UIMC1: variants seen among roughly 807,000 people sequenced by gnomAD.
The protein encoded by UIMC1 is BRCA1-A complex subunit RAP80.
Under a neutral mutation model 84.9 loss-of-function variants are expected in UIMC1, and 42 were observed. The ratio of observed to expected loss-of-function variants is 0.49; its 90% CI spans 0.39 to 0.64. UIMC1 has a LOEUF of 0.64. Ranked by LOEUF, UIMC1 falls within the 30% of genes least tolerant of loss-of-function variation. The pLI, the probability that UIMC1 is intolerant of heterozygous loss-of-function variation, is 0.00. For synonymous variants in UIMC1, 281 were observed against 293.0 expected, an observed-to-expected ratio of 0.96 and a Z score of 0.42; for missense variants, 825 against 847.6, an observed-to-expected ratio of 0.97 and a Z score of 0.33.
chr5:176,929,039 G>A (rs1038601786), intron 10 of UIMC1, among the ~76,000 whole-genome samples: 1 of 151,892 alleles, frequency 6.6e-6, no homozygotes, highest in African/African-American at 2.4e-5. Flanking sequence ...AGATTACGAG[G>A]TCAGGAGTTT....
intron 8 of UIMC1, among the ~76,000 whole-genome samples, chr5:176,955,747 C>G (rs1163311605): frequency 6.6e-6 from 1 of 152,020 alleles, no homozygotes; most frequent in Admixed American, 6.6e-5. Flanking sequence ...AACTAAATTA[C>G]CCCTAAGGAG....
At chr5:176,946,836 AAAAAG>A (rs1306072507) in intron 9 of UIMC1, among the ~76,000 whole-genome samples, 1 of 152,212 alleles carries the variant, frequency 6.6e-6, no homozygotes, top group Non-Finnish European at 1.5e-5. Flanking sequence ...CCCGGCCTCA[AAAAAG>A]AAAAGACAAA....
rs1771201052 is a variant in UIMC1, at chr5:176,982,459, C to T, written c.147+10G>A. On this transcript the variant is annotated intron_variant, in intron 2 of 14. Coordinates refer to ENST00000511320, the MANE Select transcript of UIMC1 (RefSeq NM_001199298.2). ...GCTACAGCTCTACTTTTCAGCTCTACTTCACTAACCTCTCCATCACTATCG... is the reference window on the plus strand; with the variant it reads ...GCTACAGCTCTACTTTTCAGCTCTATTTCACTAACCTCTCCATCACTATCG... 2 of 1,606,792 alleles carry T rather than the reference C, an allele frequency of 1.2e-6. No homozygotes were observed. Among genetic ancestry groups the T allele is most frequent in the Admixed American group, 3.5e-5 (2 of 57,552 alleles).
At chr5:177,007,569 A>C (rs1345868093), upstream of UIMC1, among the ~76,000 whole-genome samples, 1 of 152,210 alleles carries the variant, frequency 6.6e-6, no homozygotes, top group Admixed American at 6.5e-5. Flanking sequence ...GGTCACAACT[A>C]CTTAAGTTAT....
rs146511176 is a variant in UIMC1 at position 176,908,394 on chromosome 5, A to C, written c.1848+129T>G. The C allele has an allele frequency of 2.5e-3, 2,340 of 949,842 alleles. 39 individuals are homozygous for C. The African/African-American group carries it at 0.035, about 14-fold the overall frequency. 58.8% of individuals were successfully genotyped at this position (949,842 alleles called of 1,614,324 possible). ...AGGAAAAATAATTTTAAAAAGCACA[A>C]ATCTTGTTTCAAGATAAATAGAGGG... On this transcript the variant is annotated intron_variant, in intron 12 of 14. Coordinates refer to ENST00000511320, the MANE Select transcript of UIMC1 (RefSeq NM_001199298.2).
upstream of UIMC1, among the ~76,000 whole-genome samples, chr5:177,008,866 G>C (rs1351870946): frequency 6.6e-6 from 1 of 152,082 alleles, no homozygotes; most frequent in African/African-American, 2.4e-5. Context: ...GCTCACTCAG[G>C]CCAAATGCTA....
At chr5:176,945,905 G>C (rs1316695333) in intron 9 of UIMC1, among the ~76,000 whole-genome samples, 1 of 152,168 alleles carries the variant, frequency 6.6e-6, no homozygotes, top group African/African-American at 2.4e-5. Context: ...TTAAGGCTCT[G>C]TTAGAAATTA....
intron 10 of UIMC1, among the ~76,000 whole-genome samples, chr5:176,938,921 T>C (rs1262221366): frequency 6.6e-6 from 1 of 151,984 alleles, no homozygotes; most frequent in African/African-American, 2.4e-5. Context: ...TAAAACTTCT[T>C]TAGTAAGCTT....
chr5:176,955,904 C>T, intron 8 of UIMC1, 55 bp downstream of exon 8: 2 of 1,540,930 alleles, frequency 1.3e-6, no homozygotes, highest in Non-Finnish European at 1.8e-6. Flanking sequence ...AATTAATAGG[C>T]ATGAAAAGGT....
At chr5:176,905,906 T>C in intron 14 of UIMC1, 105 bp downstream of exon 14, 2 of 1,257,210 alleles carry the variant, frequency 1.6e-6, no homozygotes, top group Non-Finnish European at 2.3e-6. Context: ...CCACAGTGAT[T>C]TCTACTGCAA....
chr5:176,952,285 A>G (rs1765985195), intron 8 of UIMC1, among the ~76,000 whole-genome samples: 1 of 152,252 alleles, frequency 6.6e-6, no homozygotes, highest in Non-Finnish European at 1.5e-5. Context: ...GAAATAGAAT[A>G]TACATTCTAG....
chr5:176,942,196 T>C (rs1448330909), intron 10 of UIMC1, among the ~76,000 whole-genome samples: 1 of 152,150 alleles, frequency 6.6e-6, no homozygotes, highest in African/African-American at 2.4e-5. Context: ...AGCAGAGATA[T>C]GATATGTAGG....
chr5:176,954,143 T>C (rs1207447912), intron 8 of UIMC1, among the ~76,000 whole-genome samples: 1 of 152,236 alleles, frequency 6.6e-6, no homozygotes, highest in Non-Finnish European at 1.5e-5. Flanking sequence ...AACCTCAGTA[T>C]GAAGGGCCTG....
intron 1 of UIMC1, among the ~76,000 whole-genome samples, chr5:176,985,124 T>A (rs972658984): frequency 3.3e-5 from 5 of 152,102 alleles, no homozygotes; most frequent in African/African-American, 1.2e-4. Context: ...GAATTTTTTT[T>A]AGAAAAATAT....
chr5:177,005,371 G>A (rs1289586129), intron 1 of UIMC1, among the ~76,000 whole-genome samples: 7 of 152,036 alleles, frequency 4.6e-5, no homozygotes, highest in Admixed American at 6.6e-5. Flanking sequence ...CACCAGGCCC[G>A]TCGACCAAGC....
chr5:176,914,903 C>A (rs564238282), intron 10 of UIMC1, among the ~76,000 whole-genome samples: 1 of 152,340 alleles, frequency 6.6e-6, no homozygotes, highest in African/African-American at 2.4e-5. Context: ...ACTTCTCTAT[C>A]TTATGTACGA....
intron 1 of UIMC1, among the ~76,000 whole-genome samples, chr5:177,020,682 C>T (rs1275722001): frequency 2.6e-5 from 4 of 152,168 alleles, no homozygotes; most frequent in African/African-American, 7.2e-5. Context: ...CCACCTGCCT[C>T]GGCCTCCCAA....
intron 1 of UIMC1, among the ~76,000 whole-genome samples, chr5:176,991,031 A>T (rs951561261): frequency 1.2e-4 from 18 of 151,586 alleles, no homozygotes; most frequent in African/African-American, 4.1e-4. Context: ...TTTTTGAGAC[A>T]GAGTCTCGCT....
chr5:176,907,544 G>A (rs1257977174), intron 12 of UIMC1, among the ~76,000 whole-genome samples: 1 of 152,216 alleles, frequency 6.6e-6, no homozygotes, highest in Non-Finnish European at 1.5e-5. Context: ...CTTCTGGCAT[G>A]ACAGACAATG....
Sources: gnomAD v4.1 joint callset for allele counts (sites outside exome capture counted in the v4.1 genomes callset) on GRCh38, gnomAD v4.1.1 for gene constraint, MANE v1.5 for transcripts, NCBI Gene and HGNC (gene_info 2026-07-23, HGNC 2026-07-21) for gene names.